Variants in DOCK3 observed in about 807,000 individuals in gnomAD.
The protein encoded by DOCK3 is dedicator of cytokinesis protein 3.
In DOCK3, 60 loss-of-function variants were observed where a neutral mutation model predicts 265.6. The ratio of observed to expected loss-of-function variants is 0.23; its 90% CI spans 0.18 to 0.28. The LOEUF (loss-of-function observed/expected upper bound fraction) is 0.28. DOCK3 is among the 10% of genes least tolerant of loss of function. The probability of loss-of-function intolerance (pLI) is 1.00; values close to 1 mark genes in which losing one functional copy is unlikely to be tolerated. For missense variants in DOCK3, 1,981 were observed against 2,594.3 expected (o/e 0.76, Z 5.14); for synonymous variants, 881 against 938.0 (o/e 0.94, Z 1.11).
At chr3:51,233,340 ATCTATCTATCTATCTATCTAT>A (rs1327329814) in intron 19 of DOCK3, among the ~76,000 whole-genome samples, 26 of 46,120 alleles carry the variant, frequency 5.6e-4, no homozygotes, top group South Asian at 3.2e-3. Flanking sequence ...CTATCTATCT[ATCTATCTATCTATCTATCTAT>A]TTATTTATTT....
At chr3:50,867,223 G>T (rs540672553) in intron 3 of DOCK3, among the ~76,000 whole-genome samples, 1 of 152,184 alleles carries the variant, frequency 6.6e-6, no homozygotes, top group South Asian at 2.1e-4. Context: ...TTCTTTTTTA[G>T]ATTGTTCATT....
chr3:51,224,799 GTTTAGGAA>G (rs2090254077), intron 14 of DOCK3, among the ~76,000 whole-genome samples: 1 of 151,858 alleles, frequency 6.6e-6, no homozygotes, highest in Non-Finnish European at 1.5e-5. Context: ...CATGTTAAAG[GTTTAGGAA>G]TTTAGAGCAG....
chr3:50,686,232 G>T (rs1471939521), intron 1 of DOCK3, among the ~76,000 whole-genome samples: 1 of 152,044 alleles, frequency 6.6e-6, no homozygotes, highest in Non-Finnish European at 1.5e-5. Flanking sequence ...TCCAGTCAAT[G>T]CCTTAATCTC....
intron 4 of DOCK3, among the ~76,000 whole-genome samples, chr3:50,900,493 C>G (rs2049131816): frequency 6.6e-6 from 1 of 152,184 alleles, no homozygotes; most frequent in Non-Finnish European, 1.5e-5. Flanking sequence ...TTGTCAAACT[C>G]ATTCTCCATC....
chr3:51,324,600 C>T (rs2083966653), intron 32 of DOCK3, among the ~76,000 whole-genome samples: 1 of 152,142 alleles, frequency 6.6e-6, no homozygotes, highest in South Asian at 2.1e-4. Flanking sequence ...AAAGAGCCTG[C>T]ATAGCCAAGA....
chr3:51,020,782 T>C (rs1475983403), intron 5 of DOCK3, among the ~76,000 whole-genome samples: 1 of 151,936 alleles, frequency 6.6e-6, no homozygotes, highest in Non-Finnish European at 1.5e-5. Flanking sequence ...TAGTTGTAGG[T>C]GTGCAGTCTT....
intron 23 of DOCK3, among the ~76,000 whole-genome samples, chr3:51,266,772 G>T (rs1195778240): frequency 6.6e-6 from 1 of 152,142 alleles, no homozygotes; most frequent in Non-Finnish European, 1.5e-5. Flanking sequence ...CATAGGCAAA[G>T]ATTTCATGAC....
At chr3:51,006,117 TC>T in intron 5 of DOCK3, among the ~76,000 whole-genome samples, 1 of 152,254 alleles carries the variant, frequency 6.6e-6, no homozygotes, top group South Asian at 2.1e-4. Context: ...CCTAGAATAC[TC>T]CCCCCTTAGT....
At chr3:51,363,757 A>G (rs1384505064) in intron 49 of DOCK3, among the ~76,000 whole-genome samples, 1 of 152,172 alleles carries the variant, frequency 6.6e-6, no homozygotes, top group Non-Finnish European at 1.5e-5. Context: ...TGTCCTTGCA[A>G]TAGTTTGCTC....
chr3:50,927,808 T>C (rs1434713854), intron 4 of DOCK3, among the ~76,000 whole-genome samples: 2 of 152,136 alleles, frequency 1.3e-5, no homozygotes, highest in Non-Finnish European at 2.9e-5. Context: ...ACAGTGTGTC[T>C]CTACATTCTG....
chr3:50,961,269 G>T (rs1199110838), intron 5 of DOCK3, among the ~76,000 whole-genome samples: 1 of 152,136 alleles, frequency 6.6e-6, no homozygotes, highest in East Asian at 1.9e-4. Context: ...TACAATTATA[G>T]TTGGCAGATT....
intron 5 of DOCK3, among the ~76,000 whole-genome samples, chr3:51,012,203 C>G (rs1344482886): frequency 6.6e-6 from 1 of 152,188 alleles, no homozygotes; most frequent in Non-Finnish European, 1.5e-5. Context: ...TTTTGTTCAG[C>G]TATGCCCTGC....
intron 3 of DOCK3, among the ~76,000 whole-genome samples, chr3:50,848,702 AC>A (rs1220389873): frequency 6.6e-6 from 1 of 152,122 alleles, no homozygotes; most frequent in Non-Finnish European, 1.5e-5. Flanking sequence ...CTGATGTTTT[AC>A]CCTAGCTTCC....
intron 7 of DOCK3, among the ~76,000 whole-genome samples, chr3:51,084,709 C>T (rs978924475): frequency 4.6e-5 from 7 of 151,998 alleles, no homozygotes; most frequent in East Asian, 3.9e-4. Flanking sequence ...TTAAACATTA[C>T]CATCATAAAA....
At position 51,348,654 on chromosome 3, in the gene DOCK3, C is replaced by T. The variant is rs2085756492; in HGVS notation, c.3916-198C>T. On this transcript the variant is annotated intron_variant, in intron 38 of 52. Coordinates refer to ENST00000266037, the MANE Select transcript of DOCK3 (RefSeq NM_004947.5). Reference sequence around the variant, plus strand: ...GGAGGTGGAGACATTTGAGCAGAGACCTAAAAACTATGCTTGAGCTAGAAA... The same window carrying T: ...GGAGGTGGAGACATTTGAGCAGAGATCTAAAAACTATGCTTGAGCTAGAAA... 2.6e-5 allele frequency among the ~76,000 whole-genome samples: 4 copies of T among 152,294 alleles called. No homozygotes were observed. The South Asian group carries it at 8.3e-4, about 32-fold the overall frequency.
At chr3:50,916,316 C>G (rs2050121991) in intron 4 of DOCK3, among the ~76,000 whole-genome samples, 1 of 151,964 alleles carries the variant, frequency 6.6e-6, no homozygotes, top group Non-Finnish European at 1.5e-5. Flanking sequence ...TGCAGTGGCA[C>G]AATCTCACTC....
intron 24 of DOCK3, 21 bp from the exon 25 acceptor site, chr3:51,275,058 C>T (rs955936843): frequency 1.9e-6 from 3 of 1,613,764 alleles, no homozygotes; most frequent in Non-Finnish European, 2.5e-6. Flanking sequence ...GTTTTCTTCA[C>T]CTTTGTATTT....
intron 5 of DOCK3, among the ~76,000 whole-genome samples, chr3:51,031,240 G>C (rs1167153139): frequency 6.6e-6 from 1 of 152,082 alleles, no homozygotes; most frequent in Non-Finnish European, 1.5e-5. Context: ...AGCTTTAGTG[G>C]ATATCTATCC....
intron 5 of DOCK3, among the ~76,000 whole-genome samples, chr3:50,980,376 T>A (rs1439823418): frequency 6.6e-6 from 1 of 152,214 alleles, no homozygotes; most frequent in African/African-American, 2.4e-5. Context: ...TTGTTGAGGA[T>A]TTTTGTGTCT....
Sources: allele counts gnomAD v4.1 joint callset (sites outside exome capture counted in the v4.1 genomes callset), GRCh38; gene constraint gnomAD v4.1.1; transcripts MANE v1.5; gene names NCBI Gene and HGNC (gene_info 2026-07-23, HGNC 2026-07-21).